Variants in C14orf132 observed in about 807,000 individuals in gnomAD.
C14orf132 encodes uncharacterized protein C14orf132.
In C14orf132, 6 loss-of-function variants were observed where a neutral mutation model predicts 5.8. The observed-to-expected ratio is 1.03, with a 90% CI of 0.57 to 2.04. The LOEUF is 2.04. Among genes scored for constraint, C14orf132 ranks in the 30% most tolerant of loss-of-function variants. The pLI, the probability that C14orf132 is intolerant of heterozygous loss-of-function variation, is 0.00. For missense variants in C14orf132, 125 were observed against 115.8 expected, an observed-to-expected ratio of 1.08 and a Z score of -0.37; for synonymous variants, 51 against 49.8, an observed-to-expected ratio of 1.02 and a Z score of -0.10.
intron 1 of C14orf132, among the ~76,000 whole-genome samples, chr14:96,080,182 C>T (rs1447721787): frequency 3.3e-5 from 5 of 152,094 alleles, no homozygotes; most frequent in Non-Finnish European, 4.4e-5. Context: ...GACTTCTGAC[C>T]TTAGATGTCA....
rs1221628003 is a variant in C14orf132, at chr14:96,091,621, C to T, written c.*4886C>T. 6.5e-6 allele frequency: 1 copy of T among 154,648 alleles called. No homozygotes were observed. The highest frequency in any genetic ancestry group is 1.4e-5 in the Non-Finnish European group (1 of 69,804). The allele number at this position is 154,648 out of a possible 1,614,324, so 9.6% of individuals were successfully genotyped here. On this transcript the variant is annotated 3_prime_UTR_variant, in exon 2 of 2. Coordinates refer to ENST00000555004, the MANE Select transcript of C14orf132 (RefSeq NM_001252507.3). ...CCAGTGATTGTCCCCGAGCAAGTGCCAGGGTTGGGCTGAGCTGCTATGACA... is the reference window on the plus strand; with the variant it reads ...CCAGTGATTGTCCCCGAGCAAGTGCTAGGGTTGGGCTGAGCTGCTATGACA...
At chr14:96,044,151 G>A (rs1043844259) in intron 1 of C14orf132, among the ~76,000 whole-genome samples, 14 of 152,266 alleles carry the variant, frequency 9.2e-5, no homozygotes, top group African/African-American at 2.9e-4. Flanking sequence ...GGTTGTGTTT[G>A]TGTACATTTT....
At chr14:96,069,191 A>ATATATATG (rs1887627520) in intron 1 of C14orf132, among the ~76,000 whole-genome samples, 1 of 140,618 alleles carries the variant, frequency 7.1e-6, no homozygotes, top group Admixed American at 7.2e-5. Context: ...ATATATATAT[A>ATATATATG]TATGTATATA....
intron 1 of C14orf132, among the ~76,000 whole-genome samples, chr14:96,080,440 TGGA>T (rs1208207852): frequency 1.3e-5 from 2 of 152,244 alleles, no homozygotes; most frequent in African/African-American, 4.8e-5. Flanking sequence ...CTGCATCTAA[TGGA>T]GGAGGGTCTG....
intron 1 of C14orf132, among the ~76,000 whole-genome samples, chr14:96,065,310 T>C (rs920329580): frequency 3.9e-5 from 6 of 152,140 alleles, no homozygotes; most frequent in Admixed American, 2.6e-4. Context: ...GAGATTCCGA[T>C]GTGCATCTCC....
At chr14:96,043,407 T>C (rs980680459) in intron 1 of C14orf132, among the ~76,000 whole-genome samples, 16 of 152,162 alleles carry the variant, frequency 1.1e-4, no homozygotes, top group Non-Finnish European at 2.9e-5. Context: ...CTCCTTCACT[T>C]GTTCTTATGG....
Position 96,086,687 on chromosome 14 carries a change from G to T in C14orf132, c.204G>T (p.Thr68=), listed in dbSNP as rs765074674. 2 of 1,536,182 alleles carry T rather than the reference G, an allele frequency of 1.3e-6. No individual in the cohort carries two copies. The highest frequency in any genetic ancestry group is 1.7e-6 in the Non-Finnish European group (2 of 1,146,918). The change falls in exon 2 of 2, where the codon ACG becomes ACT. Residue 68 remains threonine, a synonymous_variant. Transcript: ENST00000555004. ...AVLLWIAIIA[T]LGNIVVVGVV... is the part of the protein sequence containing the mutation. Reference sequence around the variant, plus strand: ...TGCTATGGATTGCCATCATAGCTACGCTGGGGAACATCGTGGTGGTGGGCG... The same window carrying T: ...TGCTATGGATTGCCATCATAGCTACTCTGGGGAACATCGTGGTGGTGGGCG...
chr14:96,062,950 A>G (rs537482447), intron 1 of C14orf132, among the ~76,000 whole-genome samples: 1 of 152,316 alleles, frequency 6.6e-6, no homozygotes, highest in Admixed American at 6.5e-5. Flanking sequence ...AGTGCCTGCT[A>G]TGTGCAAAAC....
At chr14:96,055,110 C>T (rs1267279095) in intron 1 of C14orf132, among the ~76,000 whole-genome samples, 3 of 152,186 alleles carry the variant, frequency 2.0e-5, no homozygotes, top group African/African-American at 4.8e-5. Flanking sequence ...ATGAGACTCC[C>T]GGAGTCAAAG....
chr14:96,072,395 T>A (rs1887739608), intron 1 of C14orf132, among the ~76,000 whole-genome samples: 1 of 152,158 alleles, frequency 6.6e-6, no homozygotes, highest in Non-Finnish European at 1.5e-5. Flanking sequence ...CACCACCACC[T>A]CCCAGGGGCC....
At chr14:96,050,479 T>G (rs1886995195) in intron 1 of C14orf132, among the ~76,000 whole-genome samples, 1 of 152,134 alleles carries the variant, frequency 6.6e-6, no homozygotes, top group Non-Finnish European at 1.5e-5. Context: ...TCTATAATTT[T>G]TTGGGTGATT....
chr14:96,039,387 C>A lies in C14orf132; in HGVS notation c.-114C>A. The A allele has an allele frequency of 9.2e-7, 1 of 1,081,778 alleles. No individual in the cohort carries two copies. The highest frequency in any genetic ancestry group is 1.2e-6 in the Non-Finnish European group (1 of 812,794). 67.0% of individuals were successfully genotyped at this position (1,081,778 alleles called of 1,614,324 possible). On this transcript the variant is annotated 5_prime_UTR_variant, in exon 1 of 2. Transcript: ENST00000555004. The surrounding 1 kb of genome is among the most constrained non-coding windows in gnomAD (Gnocchi z 5.3). ...AGAAGCCCAGAGACAGCCGAGTGCGCCGTGCGGTCTCCGGACGCTCGCTGC... is the reference window on the plus strand; with the variant it reads ...AGAAGCCCAGAGACAGCCGAGTGCGACGTGCGGTCTCCGGACGCTCGCTGC...
chr14:96,053,568 G>A (rs1426314506), intron 1 of C14orf132, among the ~76,000 whole-genome samples: 1 of 152,214 alleles, frequency 6.6e-6, no homozygotes, highest in Non-Finnish European at 1.5e-5. Context: ...ACTCAGCAAG[G>A]AGCAGGCAGG....
chr14:96,045,599 A>G (rs1167486722), intron 1 of C14orf132, among the ~76,000 whole-genome samples: 1 of 152,240 alleles, frequency 6.6e-6, no homozygotes, highest in African/African-American at 2.4e-5. Flanking sequence ...TGCTCATGCC[A>G]TGCAGAAACA....
Position 96,040,307 on chromosome 14 carries a change from C to T in C14orf132, c.27+780C>T, listed in dbSNP as rs897445255. ...ACAAATCCCGGATTTCTCCATCAGT[C>T]TGTGACCCTAGAGAAGACCCAGAGC... On this transcript the variant is annotated intron_variant, in intron 1 of 1. Coordinates refer to ENST00000555004, the MANE Select transcript of C14orf132 (RefSeq NM_001252507.3). 7.5e-6 allele frequency: 3 copies of T among 398,552 alleles called. No homozygotes were observed. In the South Asian group the frequency reaches 3.8e-4, roughly 51 times the overall value. 24.7% of individuals were successfully genotyped at this position (398,552 alleles called of 1,614,324 possible). A position where few individuals can be genotyped will look rare whatever the true frequency, so the allele number is the denominator to read the frequency against.
At chr14:96,063,104 T>C (rs767906456) in intron 1 of C14orf132, among the ~76,000 whole-genome samples, 16 of 152,134 alleles carry the variant, frequency 1.1e-4, no homozygotes, top group Non-Finnish European at 1.5e-4. Flanking sequence ...GATCGTCATA[T>C]CTGTTTGATA....
chr14:96,049,561 C>T (rs1238772701), intron 1 of C14orf132, among the ~76,000 whole-genome samples: 7 of 96,458 alleles, frequency 7.3e-5, no homozygotes, highest in South Asian at 3.1e-4. Flanking sequence ...TACATATATA[C>T]GTATATATAC....
intron 1 of C14orf132, among the ~76,000 whole-genome samples, chr14:96,063,745 T>C (rs1887431897): frequency 6.6e-6 from 1 of 152,038 alleles, no homozygotes; most frequent in Non-Finnish European, 1.5e-5. Context: ...CTAAAGAGCT[T>C]TTGCACGGCA....
chr14:96,083,349 G>T (rs1187487813), intron 1 of C14orf132, among the ~76,000 whole-genome samples: 2 of 152,170 alleles, frequency 1.3e-5, no homozygotes, highest in Non-Finnish European at 2.9e-5. Context: ...ACGGAAGTCT[G>T]GGGTATGGTC....
Sources: gnomAD v4.1 joint callset for allele counts (sites outside exome capture counted in the v4.1 genomes callset) on GRCh38, gnomAD v4.1.1 for gene constraint, Gnocchi (gnomAD v3.1) non-coding constraint, MANE v1.5 for transcripts, NCBI Gene and HGNC (gene_info 2026-07-23, HGNC 2026-07-21) for gene names.